Variants in FGF14 observed in about 807,000 individuals in gnomAD.
The protein encoded by FGF14 is fibroblast growth factor homologous factor 4.
Under a neutral mutation model 25.5 loss-of-function variants are expected in FGF14, and 5 were observed. That is an observed-to-expected ratio of 0.20 (90% CI 0.10 to 0.41). The LOEUF (loss-of-function observed/expected upper bound fraction) is 0.41. Ranked by LOEUF, FGF14 falls within the 10% of genes least tolerant of loss-of-function variation. FGF14 has a pLI of 1.00. For missense variants in FGF14, 222 were observed against 320.1 expected, an observed-to-expected ratio of 0.69 and a Z score of 2.34; for synonymous variants, 138 against 118.3, an observed-to-expected ratio of 1.17 and a Z score of -1.08.
At chr13:101,913,434 A>G (rs1401436977) in intron 1 of FGF14, among the ~76,000 whole-genome samples, 2 of 152,152 alleles carry the variant, frequency 1.3e-5, no homozygotes, top group South Asian at 2.1e-4. Flanking sequence ...GAGATAGGAA[A>G]GAGTGTGGGT....
At chr13:101,744,618 C>T (rs933821270) in intron 3 of FGF14, among the ~76,000 whole-genome samples, 4 of 152,028 alleles carry the variant, frequency 2.6e-5, no homozygotes, top group African/African-American at 9.7e-5. Context: ...TCTCTCTGAG[C>T]ATCCAGGATT....
chr13:101,837,617 C>A (rs2042989617), intron 3 of FGF14, among the ~76,000 whole-genome samples: 1 of 152,188 alleles, frequency 6.6e-6, no homozygotes, highest in African/African-American at 2.4e-5. Context: ...AGAAAGACAA[C>A]TTTATAAACT....
intron 1 of FGF14, among the ~76,000 whole-genome samples, chr13:102,161,692 A>G (rs1212591324): frequency 9.4e-6 from 1 of 106,070 alleles, no homozygotes; most frequent in Non-Finnish European, 2.1e-5. Flanking sequence ...GAAGAAGAAG[A>G]AGAAGAAGAA....
intron 3 of FGF14, among the ~76,000 whole-genome samples, chr13:101,853,771 A>G (rs942621785): frequency 6.6e-6 from 1 of 152,036 alleles, no homozygotes; most frequent in Non-Finnish European, 1.5e-5. Flanking sequence ...AATATTTTGA[A>G]TATTCCCACA....
chr13:102,300,212 T>C (rs1320659598), intron 1 of FGF14: 1 of 152,160 alleles, frequency 6.6e-6, no homozygotes, highest in Non-Finnish European at 1.5e-5. Context: ...ACAGTGAGCA[T>C]TCTTCTCTTT....
At chr13:101,778,251 T>C (rs547747048) in intron 3 of FGF14, among the ~76,000 whole-genome samples, 1 of 152,302 alleles carries the variant, frequency 6.6e-6, no homozygotes, top group African/African-American at 2.4e-5. Context: ...TTTTTCGAAA[T>C]CTCACGTACA....
intron 1 of FGF14, among the ~76,000 whole-genome samples, chr13:101,931,664 C>T (rs995356911): frequency 3.3e-5 from 5 of 152,178 alleles, no homozygotes; most frequent in African/African-American, 9.7e-5. Flanking sequence ...TTAAGAGTAA[C>T]TTTGAAAGGT....
chr13:101,839,222 C>A (rs1457286933), intron 3 of FGF14, among the ~76,000 whole-genome samples: 2 of 152,002 alleles, frequency 1.3e-5, no homozygotes, highest in East Asian at 3.9e-4. Context: ...CTATTCAAAA[C>A]CTTTTATTAA....
chr13:102,174,092 T>A (rs980035864), intron 1 of FGF14, among the ~76,000 whole-genome samples: 1 of 151,898 alleles, frequency 6.6e-6, no homozygotes, highest in African/African-American at 2.4e-5. Flanking sequence ...AACTTCAATA[T>A]AGTTTCAGGA....
chr13:102,172,010 A>AT (rs2048270533), intron 1 of FGF14, among the ~76,000 whole-genome samples: 1 of 143,332 alleles, frequency 7.0e-6, no homozygotes. Flanking sequence ...TTATTTATTT[A>AT]GTAGGGACGG....
intron 1 of FGF14, among the ~76,000 whole-genome samples, chr13:102,100,565 G>A (rs960859794): frequency 6.6e-6 from 1 of 152,170 alleles, no homozygotes; most frequent in African/African-American, 2.4e-5. Context: ...CTATCTGTCT[G>A]AGCACTAGTA....
chr13:102,135,800 C>T (rs1214781240), intron 1 of FGF14, among the ~76,000 whole-genome samples: 1 of 152,122 alleles, frequency 6.6e-6, no homozygotes, highest in East Asian at 1.9e-4. Context: ...GGACTACAAG[C>T]ATGCATCACC....
intron 1 of FGF14, among the ~76,000 whole-genome samples, chr13:101,898,815 GC>G (rs746503641): frequency 6.6e-6 from 1 of 152,126 alleles, no homozygotes; most frequent in Non-Finnish European, 1.5e-5. Context: ...TTGGTTGATG[GC>G]ACTGGAGAGC....
chr13:101,951,401 T>A (rs2036159701), intron 1 of FGF14, among the ~76,000 whole-genome samples: 1 of 151,832 alleles, frequency 6.6e-6, no homozygotes, highest in Non-Finnish European at 1.5e-5. Flanking sequence ...AATCCCTTTA[T>A]TTTTTTTCAG....
At chr13:102,067,867 A>C (rs1365952062) in intron 1 of FGF14, among the ~76,000 whole-genome samples, 1 of 152,166 alleles carries the variant, frequency 6.6e-6, no homozygotes, top group Non-Finnish European at 1.5e-5. Context: ...TTTAATAATC[A>C]AACTCCCAAA....
chr13:101,750,312 C>T (rs975918770), intron 3 of FGF14, among the ~76,000 whole-genome samples: 2 of 151,994 alleles, frequency 1.3e-5, no homozygotes, highest in Admixed American at 1.3e-4. Flanking sequence ...ATGGAACATT[C>T]CAGACTTACT....
chr13:102,261,410 A>C (rs1030818245), intron 1 of FGF14, among the ~76,000 whole-genome samples: 2 of 152,252 alleles, frequency 1.3e-5, no homozygotes, highest in African/African-American at 2.4e-5. Context: ...ATGAAAAACC[A>C]ATGTGAATGT....
At chr13:101,809,607 A>G (rs1484168034) in intron 3 of FGF14, among the ~76,000 whole-genome samples, 1 of 152,138 alleles carries the variant, frequency 6.6e-6, no homozygotes, top group Non-Finnish European at 1.5e-5. Flanking sequence ...CAACAAGCTC[A>G]TCACATTTTC....
At chr13:102,236,852 C>G (rs1044577554) in intron 1 of FGF14, among the ~76,000 whole-genome samples, 1 of 152,174 alleles carries the variant, frequency 6.6e-6, no homozygotes, top group Non-Finnish European at 1.5e-5. Context: ...ATTCCCTTCA[C>G]TCATGCCGAA....
Sources: gnomAD v4.1 joint callset for allele counts (sites outside exome capture counted in the v4.1 genomes callset) on GRCh38, gnomAD v4.1.1 for gene constraint, MANE v1.5 for transcripts, NCBI Gene and HGNC (gene_info 2026-07-23, HGNC 2026-07-21) for gene names.